The following TANC2 variants were observed in gnomAD, a reference collection of about 807,000 sequenced individuals.
TANC2 encodes tetratricopeptide repeat, ankyrin repeat and coiled-coil containing 2, also known as protein TANC2.
TANC2 carries 26 observed loss-of-function variants against 210.5 expected under a neutral mutation model. The observed-to-expected ratio is 0.12, with a 90% CI of 0.09 to 0.17. The LOEUF (loss-of-function observed/expected upper bound fraction) is 0.17. Ranked by LOEUF, TANC2 falls within the 10% of genes least tolerant of loss-of-function variation. The pLI is 1.00. For synonymous variants in TANC2, 931 were observed against 967.1 expected, an observed-to-expected ratio of 0.96 and a Z score of 0.69; for missense variants, 2,129 against 2,608.9, an observed-to-expected ratio of 0.82 and a Z score of 4.01.
At chr17:63,106,794 A>G (rs1347585228) in intron 4 of TANC2, among the ~76,000 whole-genome samples, 13 of 151,838 alleles carry the variant, frequency 8.6e-5, no homozygotes, top group Admixed American at 8.5e-4. Flanking sequence ...GAGGTTTTAG[A>G]CAAGAAAGTA....
At chr17:62,972,915 C>CGTT (rs1475059926) in intron 1 of TANC2, among the ~76,000 whole-genome samples, 2 of 152,126 alleles carry the variant, frequency 1.3e-5, no homozygotes, top group African/African-American at 2.4e-5. Context: ...AGCCATCATG[C>CGTT]GTTAGCCCAA....
chr17:63,411,957 A>G, intron 22 of TANC2, 41 bp from the exon 23 acceptor site: 2 of 1,611,522 alleles, frequency 1.2e-6, no homozygotes, highest in Non-Finnish European at 1.7e-6. Flanking sequence ...GTGCTGAGCC[A>G]TTACGCCTGT....
At chr17:63,055,986 AAAAAATATATATATATATATATAT>A (rs1313605331) in intron 2 of TANC2, among the ~76,000 whole-genome samples, 5 of 11,206 alleles carry the variant, frequency 4.5e-4, no homozygotes, top group Non-Finnish European at 8.2e-4. Flanking sequence ...AAAAAAAAAA[AAAAAATATATATATATATATATAT>A]ATATATATAT....
At chr17:63,156,970 T>G (rs1320632001) in intron 5 of TANC2, among the ~76,000 whole-genome samples, 1 of 152,228 alleles carries the variant, frequency 6.6e-6, no homozygotes, top group Non-Finnish European at 1.5e-5. Context: ...TTGCTGAGAT[T>G]ATAGGCGTGA....
intron 7 of TANC2, among the ~76,000 whole-genome samples, chr17:63,230,271 T>C (rs1022883131): frequency 6.6e-5 from 10 of 152,230 alleles, no homozygotes; most frequent in Non-Finnish European, 1.3e-4. Flanking sequence ...GTTTTTTGTG[T>C]CTCTGTCTCC....
chr17:63,288,685 T>C (rs538921766), intron 9 of TANC2, among the ~76,000 whole-genome samples: 3 of 152,306 alleles, frequency 2.0e-5, no homozygotes, highest in South Asian at 2.1e-4. Flanking sequence ...CCTTTATCAT[T>C]ATGTAATACC....
chr17:62,975,319 T>G (rs974054280), intron 1 of TANC2, among the ~76,000 whole-genome samples: 4 of 152,188 alleles, frequency 2.6e-5, no homozygotes, highest in Non-Finnish European at 2.9e-5. Flanking sequence ...AGGTTATAGG[T>G]TATAGAAACT....
intron 1 of TANC2, among the ~76,000 whole-genome samples, chr17:62,987,138 G>A (rs572995461): frequency 1.3e-5 from 2 of 152,274 alleles, no homozygotes; most frequent in East Asian, 3.9e-4. Context: ...GGTTCATCCT[G>A]GGTAGGACTG....
At chr17:63,360,826 C>G (rs2046936053) in intron 14 of TANC2, among the ~76,000 whole-genome samples, 1 of 152,198 alleles carries the variant, frequency 6.6e-6, no homozygotes, top group Non-Finnish European at 1.5e-5. Context: ...TAACCTTCCC[C>G]TACTCTCTAT....
intron 9 of TANC2, among the ~76,000 whole-genome samples, chr17:63,287,164 C>T (rs2044249536): frequency 6.6e-6 from 1 of 152,134 alleles, no homozygotes; most frequent in South Asian, 2.1e-4. Flanking sequence ...AACTCCTGAC[C>T]TCAGGTGATC....
At chr17:63,289,626 T>TA (rs1374231142) in intron 9 of TANC2, among the ~76,000 whole-genome samples, 2 of 152,242 alleles carry the variant, frequency 1.3e-5, no homozygotes, top group Non-Finnish European at 2.9e-5. Flanking sequence ...TTAGCGCCTT[T>TA]AACGTGTTAA....
chr17:63,418,499 A>T lies in TANC2; in HGVS notation c.4268+92A>T. 9.2e-7 allele frequency: 1 copy of T among 1,087,452 alleles called. No individual in the cohort carries two copies. The allele number at this position is 1,087,452 out of a possible 1,614,324, so 67.4% of individuals were successfully genotyped here. ...GGCCACCCTGGGGCATATGTACCCA[A>T]ATACATCTCTGTCCTTGAGAACTGT... On this transcript the variant is annotated intron_variant, in intron 27 of 27. Coordinates refer to ENST00000689528, the Ensembl canonical transcript of TANC2. This position sits in a 1 kb window ranked among gnomAD's most constrained non-coding sequence, Gnocchi z 4.6.
chr17:62,975,458 C>G (rs2031945682), intron 1 of TANC2, among the ~76,000 whole-genome samples: 1 of 151,808 alleles, frequency 6.6e-6, no homozygotes, highest in African/African-American at 2.4e-5. Flanking sequence ...GGAATGAAGA[C>G]TTATTAAACC....
intron 14 of TANC2, among the ~76,000 whole-genome samples, chr17:63,365,170 G>A (rs1170230501): frequency 2.6e-5 from 4 of 152,212 alleles, no homozygotes; most frequent in Non-Finnish European, 5.9e-5. Flanking sequence ...CAACATGACA[G>A]CATATTCTCT....
intron 19 of TANC2, among the ~76,000 whole-genome samples, chr17:63,403,200 A>AT (rs1256366234): frequency 1.3e-5 from 2 of 152,226 alleles, no homozygotes; most frequent in Non-Finnish European, 2.9e-5. Context: ...AACTGGCATC[A>AT]TTAGTGAGAG....
At chr17:63,410,342 C>A (rs1050211558) in intron 21 of TANC2, among the ~76,000 whole-genome samples, 3 of 138,590 alleles carry the variant, frequency 2.2e-5, no homozygotes, top group Non-Finnish European at 3.1e-5. Context: ...TCCAATCCCC[C>A]CCCCCCATCT....
intron 1 of TANC2, among the ~76,000 whole-genome samples, chr17:62,976,875 C>T (rs181401555): frequency 1.3e-5 from 2 of 152,330 alleles, no homozygotes; most frequent in Admixed American, 1.3e-4. Flanking sequence ...GTTACTTCCT[C>T]CTTCCTTTGT....
rs2048274558 is a variant in TANC2 at position 63,399,477 on chromosome 17, T to G, written c.3331+563T>G. On this transcript the variant is annotated intron_variant, in intron 19 of 27. Transcript: ENST00000689528. ...TCCTGTTGGTCTGTAGCAAATCAGT[T>G]TCTGTATCGTTCGGTACAATGCAAA... Among the ~76,000 whole-genome samples, 4 of 152,326 alleles carry G rather than the reference T, an allele frequency of 2.6e-5. No individual in the cohort carries two copies. The South Asian group carries it at 8.3e-4, about 32-fold the overall frequency.
At chr17:63,173,550 C>G (rs1400572425) in intron 5 of TANC2, among the ~76,000 whole-genome samples, 1 of 152,220 alleles carries the variant, frequency 6.6e-6, no homozygotes, top group African/African-American at 2.4e-5. Context: ...CCTGTAGCTT[C>G]TCCAAGCCAG....
Sources: gnomAD v4.1 joint callset for allele counts (sites outside exome capture counted in the v4.1 genomes callset) on GRCh38, gnomAD v4.1.1 for gene constraint, Gnocchi (gnomAD v3.1) non-coding constraint, MANE v1.5 for transcripts, NCBI Gene and HGNC (gene_info 2026-07-23, HGNC 2026-07-21) for gene names.